The following FBXO31 variants were observed in gnomAD, a reference collection of about 807,000 sequenced individuals.
The protein encoded by FBXO31 is F-box protein 31.
Under a neutral mutation model 54.4 loss-of-function variants are expected in FBXO31, and 24 were observed. That is an observed-to-expected ratio of 0.44 (90% confidence interval 0.32 to 0.62). FBXO31 has a LOEUF of 0.62. Ranked by LOEUF, FBXO31 falls within the 20% of genes least tolerant of loss-of-function variation. The pLI, the probability that FBXO31 is intolerant of heterozygous loss-of-function variation, is 0.05. For synonymous variants in FBXO31, 388 were observed against 335.6 expected (o/e 1.16, Z -1.71); for missense variants, 665 against 787.1 (o/e 0.84, Z 1.86).
At chr16:87,347,295 T>C (rs1202470268) in intron 2 of FBXO31, 45 bp from the exon 3 acceptor site, 11 of 1,566,560 alleles carry the variant, frequency 7.0e-6, no homozygotes, top group Non-Finnish European at 9.7e-6. Flanking sequence ...AGACCCAGCG[T>C]GCCGCAGGGA....
intron 1 of FBXO31, among the ~76,000 whole-genome samples, chr16:87,376,710 G>A (rs532463657): frequency 3.3e-4 from 51 of 152,320 alleles, no homozygotes; most frequent in African/African-American, 1.1e-3. Flanking sequence ...AAAAAGTGGA[G>A]CCACCCTTAT....
At chr16:87,334,434 C>T (rs1449886829) in intron 7 of FBXO31, 148 bp from the exon 8 acceptor site, 1 of 710,992 alleles carries the variant, frequency 1.4e-6, no homozygotes, top group Non-Finnish European at 2.2e-6. Flanking sequence ...AAGAAGAAGT[C>T]TCAGAATCCC....
At chr16:87,373,813 G>C (rs1041202472) in intron 1 of FBXO31, among the ~76,000 whole-genome samples, 3 of 152,200 alleles carry the variant, frequency 2.0e-5, no homozygotes, top group African/African-American at 7.2e-5. Context: ...CAAATCAAAA[G>C]AGAACAGAAA....
chr16:87,386,366 G>A (rs577332405), upstream of FBXO31, among the ~76,000 whole-genome samples: 1 of 152,368 alleles, frequency 6.6e-6, no homozygotes, highest in East Asian at 1.9e-4. Context: ...AGGCTTCAGT[G>A]AGCAGCGTGG....
Position 87,343,073 on chromosome 16 carries a change from C to T in FBXO31, c.658-122G>A, listed in dbSNP as rs975386517. On this transcript the variant is annotated intron_variant, in intron 4 of 8. Transcript: ENST00000311635. ...CACACCCACCAAACCCCACTGCAGGCACCCAAGATGCGACCAACGCGGTGC... is the reference window on the plus strand; with the variant it reads ...CACACCCACCAAACCCCACTGCAGGTACCCAAGATGCGACCAACGCGGTGC... The T allele has an allele frequency of 2.5e-5, 19 of 774,620 alleles. No homozygotes were observed. In the South Asian group the frequency reaches 3.4e-4, roughly 14 times the overall value. The allele number at this position is 774,620 out of a possible 1,614,324, so 48.0% of individuals were successfully genotyped here.
intron 2 of FBXO31, among the ~76,000 whole-genome samples, chr16:87,355,662 C>A (rs1027477370): frequency 6.6e-6 from 1 of 152,110 alleles, no homozygotes; most frequent in East Asian, 1.9e-4. Flanking sequence ...CAATCAAAAC[C>A]CACATATGAT....
At chr16:87,343,844 G>C in intron 3 of FBXO31, 79 bp from the exon 4 acceptor site, 1 of 1,510,014 alleles carries the variant, frequency 6.6e-7, no homozygotes, top group Admixed American at 1.8e-5. Flanking sequence ...TCCCCGCACT[G>C]CAATGGCACA....
intron 1 of FBXO31, among the ~76,000 whole-genome samples, chr16:87,375,174 C>T (rs1398024276): frequency 1.3e-5 from 2 of 152,154 alleles, no homozygotes; most frequent in East Asian, 1.9e-4. Context: ...GGCGTGGTAG[C>T]GGGCGCCTGT....
chr16:87,348,903 G>C (rs112618772), intron 2 of FBXO31, among the ~76,000 whole-genome samples: 1 of 152,344 alleles, frequency 6.6e-6, no homozygotes, highest in East Asian at 1.9e-4. Context: ...GGTAATGAGG[G>C]AGTACACCGG....
In FBXO31 at chr16:87,334,061, T is replaced by C. The variant is rs1364771754; in HGVS notation, c.1222A>G (p.Arg408Gly). Residue 408 changes from arginine (R) to glycine (G), a missense_variant, in exon 8 of 9, where the codon AGG becomes GGG. By Grantham distance (125) the Arg-to-Gly change is moderately radical. Coordinates refer to ENST00000311635, the MANE Select transcript of FBXO31 (RefSeq NM_024735.5). Reference sequence around the variant, plus strand: ...GGGCCCTTGCTGGGCGCCTCTGCCCTGGGCTGGGCAGGGCTTGGCTGGGAC... The same window carrying C: ...GGGCCCTTGCTGGGCGCCTCTGCCCCGGGCTGGGCAGGGCTTGGCTGGGAC... ...RESQPSPAQPRAEAPSKGPDG... is the reference protein window; with the variant it reads ...RESQPSPAQPGAEAPSKGPDG... 1.9e-6 allele frequency: 3 copies of C among 1,611,766 alleles called. No individual in the cohort carries two copies. Among genetic ancestry groups the C allele is most frequent in the East Asian group, 2.2e-5 (1 of 44,858 alleles).
At chr16:87,386,837 A>T (rs1357075127), upstream of FBXO31, among the ~76,000 whole-genome samples, 2 of 152,234 alleles carry the variant, frequency 1.3e-5, no homozygotes, top group African/African-American at 2.4e-5. Context: ...CTTAAATAAA[A>T]AATGAGCTGT....
intron 5 of FBXO31, among the ~76,000 whole-genome samples, chr16:87,342,100 C>A (rs1338891110): frequency 1.3e-5 from 2 of 152,196 alleles, no homozygotes; most frequent in African/African-American, 4.8e-5. Context: ...GGGTCTCACT[C>A]TGCCACCCAC....
rs775882298 is a variant in FBXO31 at position 87,347,208 on chromosome 16, T to C, written c.455A>G (p.Asp152Gly). The change falls in exon 3 of 9, where the codon GAT (aspartate) becomes GGT (glycine). Residue 152 changes from aspartate to glycine, a missense_variant. Coordinates refer to ENST00000311635, the MANE Select transcript of FBXO31 (RefSeq NM_024735.5). ...CAGCAGTCCTCCGTATGGCCCGATA[T>C]CTGGCTGCCACAATCCCAAAATGTG... is the stretch of plus-strand genomic sequence containing the variant. ...YRHILGLWQPDIGPYGGLLNV... is the reference protein window; with the variant it reads ...YRHILGLWQPGIGPYGGLLNV... The C allele has an allele frequency of 1.1e-5, 18 of 1,613,970 alleles. No individual in the cohort carries two copies. The highest frequency in any genetic ancestry group is 1.5e-5 in the Non-Finnish European group (18 of 1,180,012).
At chr16:87,360,389 A>G (rs1237922738) in intron 1 of FBXO31, 23 bp from the exon 2 acceptor site, 1 of 1,612,320 alleles carries the variant, frequency 6.2e-7, no homozygotes, top group Non-Finnish European at 8.5e-7. Flanking sequence ...ACATTTGCAG[A>G]AATTTAAGAT....
At chr16:87,339,405 G>A (rs1264673225) in intron 5 of FBXO31, among the ~76,000 whole-genome samples, 4 of 152,252 alleles carry the variant, frequency 2.6e-5, no homozygotes, top group African/African-American at 9.6e-5. Context: ...CACGTCGTGA[G>A]AGAAAAGCAG....
intron 1 of FBXO31, among the ~76,000 whole-genome samples, chr16:87,372,392 G>C (rs1401527847): frequency 6.6e-6 from 1 of 152,156 alleles, no homozygotes; most frequent in Non-Finnish European, 1.5e-5. Flanking sequence ...TTTCCCCACA[G>C]TGCTGAGACC....
chr16:87,361,764 C>G (rs985228102), intron 1 of FBXO31, among the ~76,000 whole-genome samples: 1 of 152,140 alleles, frequency 6.6e-6, no homozygotes, highest in African/African-American at 2.4e-5. Context: ...AAGTAAAGCT[C>G]GAGAAGCAGA....
chr16:87,389,318 C>A (rs77305830), intron 1 of FBXO31, among the ~76,000 whole-genome samples: 8,967 of 152,268 alleles, frequency 0.059, 379 homozygotes, highest in Non-Finnish European at 0.089. Context: ...GTAGAAGTGT[C>A]AGCTTTGCAA....
rs1016614127 is a variant in FBXO31, at chr16:87,328,709, C to T, written c.*2579G>A. 15 of 152,276 alleles carry T rather than the reference C, an allele frequency of 9.9e-5. No individual in the cohort carries two copies. The highest frequency in any genetic ancestry group is 9.8e-4 in the Admixed American group (15 of 15,284). The allele number at this position is 152,276 out of a possible 1,614,324, so 9.4% of individuals were successfully genotyped here. ...CGTTCAGGTGTGCAGAGCTGCACTG[C>T]AGGCAGCCCCACTCCAGAGAGCAGA... On this transcript the variant is annotated 3_prime_UTR_variant, in exon 9 of 9. Transcript: ENST00000311635.
Sources: gnomAD v4.1 joint callset for allele counts (sites outside exome capture counted in the v4.1 genomes callset) on GRCh38, gnomAD v4.1.1 for gene constraint, MANE v1.5 for transcripts, NCBI Gene and HGNC (gene_info 2026-07-23, HGNC 2026-07-21) for gene names.